BICDL2: variants seen among roughly 807,000 people sequenced by gnomAD.
BICDL2 encodes the protein BICD family-like cargo adapter 2.
In BICDL2, 62 loss-of-function variants were observed where a neutral mutation model predicts 56.6. That is an observed-to-expected ratio of 1.10 (90% CI 0.89 to 1.35). BICDL2 has a LOEUF of 1.35. BICDL2 is among the 40% of genes most tolerant of loss of function. The pLI is 0.00. For missense variants in BICDL2, 808 were observed against 684.5 expected, an observed-to-expected ratio of 1.18 and a Z score of -2.01; for synonymous variants, 358 against 319.8, an observed-to-expected ratio of 1.12 and a Z score of -1.27.
intron 2 of BICDL2, chr16:3,031,362 G>A: frequency 1.7e-6 from 1 of 585,308 alleles, no homozygotes; most frequent in Non-Finnish European, 3.0e-6. Context: ...CAGGACGCGT[G>A]GGCCCGGGGC....
intron 2 of BICDL2, among the ~76,000 whole-genome samples, chr16:3,034,685 CTTCCTTCCCCTT>C (rs1397881618): frequency 3.6e-5 from 5 of 139,170 alleles, no homozygotes; most frequent in Admixed American, 7.3e-5. Context: ...TCCTTCCTTC[CTTCCTTCCCCTT>C]CCTTCCTTCC....
At chr16:3,034,405 A>G (rs886128125) in intron 2 of BICDL2, among the ~76,000 whole-genome samples, 13 of 152,036 alleles carry the variant, frequency 8.6e-5, no homozygotes, top group African/African-American at 2.9e-4. Flanking sequence ...CAGTCTCCCA[A>G]TTAGCTGGGA....
rs372183892 is a variant in BICDL2 at position 3,029,422 on chromosome 16, C to A, written c.965G>T (p.Arg322Leu). The A allele has an allele frequency of 6.2e-7, 1 of 1,602,900 alleles. No individual in the cohort carries two copies. Among genetic ancestry groups the A allele is most frequent in the African/African-American group, 1.3e-5 (1 of 74,662 alleles). ...ADAPGDTPTT[R>L]SPKTRKASSP... ...GGACGCCTTTCGGGTCTTTGGGGAC[C>A]GGGTGGTCTGTGGGCCAAAGAAATG... The change falls in exon 7 of 10, where the codon CGG becomes CTG. Residue 322 changes from arginine (R) to leucine (L), a missense_variant. Physicochemically the swap from Arg to Leu is moderately radical, Grantham distance 102. Transcript: ENST00000572449.
intron 2 of BICDL2, among the ~76,000 whole-genome samples, chr16:3,034,627 C>G (rs958151230): frequency 2.7e-5 from 4 of 150,222 alleles, no homozygotes; most frequent in African/African-American, 9.9e-5. Flanking sequence ...TTTTCCTTTC[C>G]TTTCCTTTCC....
chr16:3,032,395 A>G (rs1596483750), intron 2 of BICDL2: 1 of 152,214 alleles, frequency 6.6e-6, no homozygotes, highest in East Asian at 1.9e-4. Context: ...CCTGGACACA[A>G]TATCTCTAAG....
rs1317351980 is a variant in BICDL2 at position 3,029,545 on chromosome 16, CGG to C, written c.955_956del (p.Pro319AspfsTer50). 1.3e-6 allele frequency: 2 copies of C among 1,552,688 alleles called. No individual in the cohort carries two copies. The highest frequency in any genetic ancestry group is 1.7e-6 in the Non-Finnish European group (2 of 1,154,240). ...GQGADAPGDTPTTRSPKTRKA... is the reference protein window; with the variant it reads ...GQGADAPGDTXTTRSPKTRKA... ...GGGGGCTGGGGCCCCACGAGCTCAC[CGG>C]GGTGTCTCCGGGTGCGTCGGCGCCC... On this transcript the variant is annotated frameshift_variant and splice_region_variant, in exon 6 of 10. Coordinates refer to ENST00000572449, the MANE Select transcript of BICDL2 (RefSeq NM_001369667.1). LOFTEE classifies it high-confidence loss of function.
Position 3,029,391 on chromosome 16 carries a change from G to A in BICDL2, c.996C>T (p.Pro332=), listed in dbSNP as rs749239864. The A allele has an allele frequency of 6.2e-7, 1 of 1,608,986 alleles. No individual in the cohort carries two copies. The highest frequency in any genetic ancestry group is 2.2e-5 in the East Asian group (1 of 44,872). Residue 332 remains proline (P), a synonymous_variant, in exon 7 of 10, where the codon CCC becomes CCT. Coordinates refer to ENST00000572449, the MANE Select transcript of BICDL2 (RefSeq NM_001369667.1). Reference sequence around the variant, plus strand: ...AGATCTCTTCCGGGGGTGAAGGCTGGGGGCTGGACGCCTTTCGGGTCTTTG... The same window carrying A: ...AGATCTCTTCCGGGGGTGAAGGCTGAGGGCTGGACGCCTTTCGGGTCTTTG... ...RSPKTRKASS[P]QPSPPEEILE... is the part of the protein sequence containing the mutation.
intron 5 of BICDL2, 45 bp from the exon 6 acceptor site, chr16:3,029,784 G>A (rs1030906395): frequency 2.2e-5 from 31 of 1,426,456 alleles, no homozygotes; most frequent in Admixed American, 3.0e-5. Flanking sequence ...TCAGCGGGAC[G>A]CACGCAACGC....
Position 3,029,266 on chromosome 16 carries a change from G to A in BICDL2, c.1107+14C>T. The A allele has an allele frequency of 1.9e-6, 3 of 1,607,982 alleles. No homozygotes were observed. The highest frequency in any genetic ancestry group is 2.2e-5 in the East Asian group (1 of 44,724). On this transcript the variant is annotated intron_variant, in intron 7 of 9. Transcript: ENST00000572449. ...GGAGGGGCCGTGCATCCAGCACCGT[G>A]CCCTCTGCCCCACCTCATCTTGCAG...
chr16:3,028,669 C>T (rs1020968298), intron 8 of BICDL2, 31 bp downstream of exon 8: 1 of 1,559,230 alleles, frequency 6.4e-7, no homozygotes, highest in Non-Finnish European at 8.7e-7. Context: ...CCAGAGGGCG[C>T]TGGGGCGGTG....
intron 1 of BICDL2, chr16:3,036,441 G>A: frequency 2.2e-6 from 1 of 456,172 alleles, no homozygotes; most frequent in African/African-American, 2.0e-5. Flanking sequence ...CCAGCCCTCC[G>A]GGGGCTCACC....
chr16:3,028,335 C>T lies in BICDL2; in HGVS notation c.1359+13G>A, dbSNP rs757543641. The T allele has an allele frequency of 4.0e-5, 62 of 1,548,942 alleles. No homozygotes were observed. Among genetic ancestry groups the T allele is most frequent in the Middle Eastern group, 2.1e-4 (1 of 4,816 alleles). Reference sequence around the variant, plus strand: ...CCCCTTGCCCCGCCCCGCACACGGGCCCCGCCCCTCACCTGCCAGGCCTCC... The same window carrying T: ...CCCCTTGCCCCGCCCCGCACACGGGTCCCGCCCCTCACCTGCCAGGCCTCC... On this transcript the variant is annotated intron_variant, in intron 9 of 9. Coordinates refer to ENST00000572449, the MANE Select transcript of BICDL2 (RefSeq NM_001369667.1).
intron 2 of BICDL2, 39 bp downstream of exon 2, chr16:3,035,176 T>TTGGGCCGGGGGGGGG: frequency 1.5e-5 from 2 of 136,274 alleles, no homozygotes; most frequent in Non-Finnish European, 2.7e-5. Context: ...CGTCCTCCCC[T>TTGGGCCGGGGGGGGG]GCCCACCCAC....
In BICDL2 at chr16:3,031,013, C is replaced by A; in HGVS notation, c.420G>T (p.Gln140His). 6.4e-7 allele frequency: 1 copy of A among 1,552,018 alleles called. No individual in the cohort carries two copies. The highest frequency in any genetic ancestry group is 8.7e-7 in the Non-Finnish European group (1 of 1,155,006). ...CCCGTGCCCGTTCTCGCCCACTGTC[C>A]TGCTGCTCTGAGCGCTGCTCCCCAA... is the stretch of plus-strand genomic sequence containing the variant. The part of the protein sequence containing the change: ...AQLGEQRSEQ[Q>H]DSGRERARAL... Residue 140 changes from glutamine (Q) to histidine (H), a missense_variant, in exon 3 of 10, where the codon CAG becomes CAT. Gln to His is a conservative substitution (Grantham distance 24, BLOSUM62 0). Coordinates refer to ENST00000572449, the MANE Select transcript of BICDL2 (RefSeq NM_001369667.1).
intron 2 of BICDL2, chr16:3,033,033 G>C (rs1346751409): frequency 6.6e-6 from 1 of 152,490 alleles, no homozygotes; most frequent in Non-Finnish European, 1.5e-5. Context: ...GGCTGGGCAC[G>C]GTGGCTCACA....
chr16:3,030,473 C>T lies in BICDL2; in HGVS notation c.738G>A (p.Arg246=). The T allele has an allele frequency of 1.2e-6, 2 of 1,603,654 alleles. 1 individual carries two copies. Among genetic ancestry groups the T allele is most frequent in the South Asian group, 2.2e-5 (2 of 90,868 alleles). ...CCTCCAGGCTGTGCTCCCGCCGCTC[C>T]CGCCTCAGCAGCAGCAACTCCTCGT... ...TTHEELLLLR[R]ERREHSLELE... is the part of the protein sequence containing the mutation. The change falls in exon 5 of 10, where the codon CGG becomes CGA. Residue 246 remains arginine, a synonymous_variant. Transcript: ENST00000572449.
chr16:3,036,373 CAG>C (rs1486817417), intron 1 of BICDL2: 1 of 449,426 alleles, frequency 2.2e-6, no homozygotes, highest in Non-Finnish European at 4.5e-6. Flanking sequence ...TAGGGCGGCT[CAG>C]GGGCTGGGGT....
intron 1 of BICDL2, chr16:3,036,544 C>T (rs1416741427): frequency 2.2e-6 from 1 of 453,670 alleles, no homozygotes; most frequent in Admixed American, 2.4e-5. Context: ...TCACGGTGGT[C>T]CCAGCCCAGC....
intron 2 of BICDL2, 39 bp downstream of exon 2, chr16:3,035,176 T>TTGGGGGGGGGGGGGGGGGGGGGGGGGG: frequency 2.2e-5 from 3 of 136,274 alleles, no homozygotes; most frequent in Non-Finnish European, 4.1e-5. Context: ...CGTCCTCCCC[T>TTGGGGGGGGGGGGGGGGGGGGGGGGGG]GCCCACCCAC....
Sources: gnomAD v4.1 joint callset for allele counts (sites outside exome capture counted in the v4.1 genomes callset) on GRCh38, gnomAD v4.1.1 for gene constraint, MANE v1.5 for transcripts, NCBI Gene and HGNC (gene_info 2026-07-23, HGNC 2026-07-21) for gene names.